The following NDST4 variants were observed in gnomAD, a reference collection of about 807,000 sequenced individuals.
NDST4 encodes N-deacetylase and N-sulfotransferase 4.
A neutral mutation model predicts 100.8 loss-of-function variants in NDST4; 63 were observed. The observed-to-expected ratio is 0.62, with a 90% CI of 0.51 to 0.77. The LOEUF (loss-of-function observed/expected upper bound fraction) is 0.77. Ranked by LOEUF, NDST4 falls within the 30% of genes least tolerant of loss-of-function variation. NDST4 has a pLI of 0.00. For synonymous variants in NDST4, 377 were observed against 361.8 expected, an observed-to-expected ratio of 1.04 and a Z score of -0.48; for missense variants, 943 against 1,018.4, an observed-to-expected ratio of 0.93 and a Z score of 1.01.
rs192818887 is a variant in NDST4, at chr4:114,988,251, A to T, written c.979-10977T>A. On this transcript the variant is annotated intron_variant, in intron 2 of 13. Transcript: ENST00000264363. Reference sequence around the variant, plus strand: ...AAACAACTTTTAAGTTGTTAATGAAATGTGGATTAATTCAAATTTTCATGA... The same window carrying T: ...AAACAACTTTTAAGTTGTTAATGAATTGTGGATTAATTCAAATTTTCATGA... Among the ~76,000 whole-genome samples, 1,123 of 151,726 alleles carry T rather than the reference A, an allele frequency of 7.4e-3. 13 individuals are homozygous for T. Among genetic ancestry groups the T allele is most frequent in the Middle Eastern group, 0.017 (5 of 294 alleles).
intron 6 of NDST4, among the ~76,000 whole-genome samples, chr4:114,929,022 ATCTGTCTG>A (rs751296369): frequency 0.015 from 2,162 of 139,778 alleles, 55 homozygotes; most frequent in Non-Finnish European, 0.02. Context: ...ATCCCTATCT[ATCTGTCTG>A]TCTGTCTGTC....
intron 4 of NDST4, among the ~76,000 whole-genome samples, chr4:114,948,276 C>T (rs1725913233): frequency 6.6e-6 from 1 of 151,098 alleles, no homozygotes; most frequent in Admixed American, 6.6e-5. Flanking sequence ...CACTTCCCTC[C>T]CCCACCCCCC....
intron 2 of NDST4, among the ~76,000 whole-genome samples, chr4:115,011,616 T>A (rs1347327914): frequency 6.6e-6 from 1 of 151,924 alleles, no homozygotes; most frequent in African/African-American, 2.4e-5. Context: ...TTTCAGGTAA[T>A]AATAAACAAT....
chr4:114,933,076 AC>A (rs758997485), intron 6 of NDST4, among the ~76,000 whole-genome samples: 1 of 152,178 alleles, frequency 6.6e-6, no homozygotes, highest in Non-Finnish European at 1.5e-5. Flanking sequence ...AAACTATACT[AC>A]AAAGCTGTGG....
At chr4:114,899,829 C>A (rs1264108675) in intron 6 of NDST4, among the ~76,000 whole-genome samples, 1 of 152,094 alleles carries the variant, frequency 6.6e-6, no homozygotes. Flanking sequence ...TTTGGTACTA[C>A]TAGGAAAATG....
chr4:114,875,500 T>A (rs545384614), intron 6 of NDST4, among the ~76,000 whole-genome samples: 55 of 152,290 alleles, frequency 3.6e-4, no homozygotes, highest in African/African-American at 1.2e-3. Flanking sequence ...GGTTTATGTA[T>A]CAAAATGTAT....
At chr4:114,914,953 C>G (rs763837549) in intron 6 of NDST4, among the ~76,000 whole-genome samples, 1 of 152,050 alleles carries the variant, frequency 6.6e-6, no homozygotes, top group Non-Finnish European at 1.5e-5. Flanking sequence ...AATATCTGTT[C>G]CTATGATTCT....
rs1047073558 is a variant in NDST4 at position 114,845,677 on chromosome 4, T to A, written c.2115+146A>T. On this transcript the variant is annotated intron_variant, in intron 10 of 13. Coordinates refer to ENST00000264363, the MANE Select transcript of NDST4 (RefSeq NM_022569.3). ...GTACGAGTTAAATATACAGCTCATA[T>A]TTCTCATATTTTTTGGTGGGGGTTG... 5 of 622,846 alleles carry A rather than the reference T, an allele frequency of 8.0e-6. No homozygotes were observed. The East Asian group carries it at 1.4e-4, about 18-fold the overall frequency. The allele number at this position is 622,846 out of a possible 1,614,324, so 38.6% of individuals were successfully genotyped here. A position where few individuals can be genotyped will look rare whatever the true frequency, so the allele number is the denominator to read the frequency against.
At chr4:114,928,715 C>A (rs6848295) in intron 6 of NDST4, among the ~76,000 whole-genome samples, 1,900 of 152,142 alleles carry the variant, frequency 0.012, 51 homozygotes, top group African/African-American at 0.044. Flanking sequence ...CTCTGTAATG[C>A]GGGTAGACTT....
intron 1 of NDST4, among the ~76,000 whole-genome samples, chr4:115,105,012 T>C (rs1254114390): frequency 6.6e-6 from 1 of 152,122 alleles, no homozygotes; most frequent in African/African-American, 2.4e-5. Flanking sequence ...TATTACCCCA[T>C]CCCAGATCAT....
intron 2 of NDST4, among the ~76,000 whole-genome samples, chr4:115,010,430 G>C (rs559543284): frequency 1.6e-5 from 2 of 127,782 alleles, no homozygotes; most frequent in Non-Finnish European, 3.3e-5. Flanking sequence ...GTAAGCTATC[G>C]CAAGAACAAA....
In NDST4 at chr4:115,076,651, G is replaced by A; in HGVS notation, c.386C>T (p.Thr129Ile). 6.2e-7 allele frequency: 1 copy of A among 1,613,746 alleles called. No homozygotes were observed. Among genetic ancestry groups the A allele is most frequent in the South Asian group, 1.1e-5 (1 of 91,082 alleles). Residue 129 changes from threonine (T) to isoleucine (I), a missense_variant, in exon 2 of 14, where the codon ACT becomes ATT. Coordinates refer to ENST00000264363, the MANE Select transcript of NDST4 (RefSeq NM_022569.3). Reference sequence around the variant, plus strand: ...CAGAATATTTTCATAAATAACTAAAGTATATTTCCCTTTGCCATTATCTGT... The same window carrying A: ...CAGAATATTTTCATAAATAACTAAAATATATTTCCCTTTGCCATTATCTGT... ...PLTDNGKGKY[T>I]LVIYENILKY...
intron 2 of NDST4, among the ~76,000 whole-genome samples, chr4:115,036,644 C>T (rs911792238): frequency 6.6e-6 from 1 of 151,828 alleles, no homozygotes; most frequent in African/African-American, 2.4e-5. Context: ...CCAAATTCCA[C>T]TCTGAGTTTT....
At chr4:114,921,613 G>A (rs1476062255) in intron 6 of NDST4, among the ~76,000 whole-genome samples, 1 of 152,014 alleles carries the variant, frequency 6.6e-6, no homozygotes, top group Non-Finnish European at 1.5e-5. Context: ...TACTGTTTGT[G>A]TAAAACAGTA....
chr4:115,097,329 G>A (rs968564714), intron 1 of NDST4, among the ~76,000 whole-genome samples: 2 of 152,042 alleles, frequency 1.3e-5, no homozygotes, highest in Non-Finnish European at 1.5e-5. Flanking sequence ...GACCAAACCT[G>A]ATTATCTGAT....
intron 2 of NDST4, among the ~76,000 whole-genome samples, chr4:115,024,857 TAAG>T (rs1190433082): frequency 6.6e-6 from 1 of 152,194 alleles, no homozygotes; most frequent in African/African-American, 2.4e-5. Context: ...GCAGAACTGT[TAAG>T]AAATTATTAG....
intron 6 of NDST4, among the ~76,000 whole-genome samples, chr4:114,894,896 T>C (rs1165354284): frequency 6.6e-6 from 1 of 152,182 alleles, no homozygotes; most frequent in Non-Finnish European, 1.5e-5. Context: ...ACAGTGCTTA[T>C]TATTTTGAGA....
chr4:115,000,979 T>A (rs776296278), intron 2 of NDST4, among the ~76,000 whole-genome samples: 1 of 152,096 alleles, frequency 6.6e-6, no homozygotes, highest in Non-Finnish European at 1.5e-5. Flanking sequence ...TGAACTCCCC[T>A]GGGCACCTTT....
At position 115,016,995 on chromosome 4, in the gene NDST4, A is replaced by ATGTG. The variant is rs140090585; in HGVS notation, c.979-39725_979-39722dup. Among the ~76,000 whole-genome samples, 726 of 146,322 alleles carry ATGTG rather than the reference A, an allele frequency of 5.0e-3. 6 individuals are homozygous for ATGTG. The highest frequency in any genetic ancestry group is 0.047 in the East Asian group (234 of 5,032). Reference sequence around the variant, plus strand: ...TTTTGTTTTGAGTGTTCATGTGTGTATGTGTGTGTGTGTGTGTGTGTGTGT... The same window carrying ATGTG: ...TTTTGTTTTGAGTGTTCATGTGTGTATGTGTGTGTGTGTGTGTGTGTGTGTGTGT... On this transcript the variant is annotated intron_variant, in intron 2 of 13. Transcript: ENST00000264363.
Sources: gnomAD v4.1 joint callset for allele counts (sites outside exome capture counted in the v4.1 genomes callset) on GRCh38, gnomAD v4.1.1 for gene constraint, MANE v1.5 for transcripts, NCBI Gene and HGNC (gene_info 2026-07-23, HGNC 2026-07-21) for gene names.